Variants in WSCD2 observed in about 807,000 individuals in gnomAD.
WSCD2 encodes the protein WSC domain sialate O sulfotransferase 2.
A neutral mutation model predicts 55.7 loss-of-function variants in WSCD2; 28 were observed. That is an observed-to-expected ratio of 0.50 (90% confidence interval 0.37 to 0.69). The LOEUF (loss-of-function observed/expected upper bound fraction) is 0.69, where lower values mean the gene tolerates loss of function less well. WSCD2 is among the 30% of genes least tolerant of loss of function. The probability of loss-of-function intolerance (pLI) is 0.00; values close to 1 mark genes in which losing one functional copy is unlikely to be tolerated. For synonymous variants in WSCD2, 301 were observed against 301.9 expected (o/e 1.00, Z 0.03); for missense variants, 616 against 762.1 (o/e 0.81, Z 2.26).
chr12:108,142,746 C>T (rs919240483), intron 1 of WSCD2, among the ~76,000 whole-genome samples: 4 of 152,158 alleles, frequency 2.6e-5, no homozygotes, highest in Admixed American at 2.6e-4. Flanking sequence ...TGACATCTTA[C>T]AGGTCTCTCT....
At chr12:108,131,434 G>A (rs1041152758) in intron 1 of WSCD2, among the ~76,000 whole-genome samples, 4 of 152,194 alleles carry the variant, frequency 2.6e-5, no homozygotes, top group Admixed American at 6.5e-5. Context: ...TCAGATCTAA[G>A]TTTGACCAGT....
intron 1 of WSCD2, chr12:108,167,604 AC>A (rs1879800293): frequency 6.6e-6 from 1 of 152,192 alleles, no homozygotes; most frequent in East Asian, 1.9e-4. Context: ...CCAGGCTCAA[AC>A]AAAGCTCATG....
chr12:108,174,474 A>G (rs1479310252), intron 1 of WSCD2, among the ~76,000 whole-genome samples: 2 of 152,284 alleles, frequency 1.3e-5, no homozygotes, highest in African/African-American at 4.8e-5. Context: ...CACTTAGTAC[A>G]TGAGTCCCCA....
chr12:108,174,260 G>A (rs150459350), intron 1 of WSCD2, among the ~76,000 whole-genome samples: 2,452 of 152,230 alleles, frequency 0.016, 33 homozygotes, highest in Non-Finnish European at 0.024. Context: ...TAGGCATCTT[G>A]CCCTTAAAAA....
intron 4 of WSCD2, among the ~76,000 whole-genome samples, chr12:108,213,254 CAGACCCAATACA>C (rs1241917550): frequency 6.6e-6 from 1 of 152,158 alleles, no homozygotes; most frequent in Non-Finnish European, 1.5e-5. Context: ...TAATTTTGTG[CAGACCCAATACA>C]AGTAGGATTG....
Position 108,196,153 on chromosome 12 carries a change from C to T in WSCD2, c.321C>T (p.Tyr107=), listed in dbSNP as rs772879573. The T allele has an allele frequency of 3.4e-5, 55 of 1,613,984 alleles. No individual in the cohort carries two copies. Among genetic ancestry groups the T allele is most frequent in the Non-Finnish European group, 4.2e-5 (49 of 1,180,030 alleles). Residue 107 remains tyrosine (Y), a synonymous_variant, in exon 2 of 9, where the codon TAC becomes TAT. Coordinates refer to ENST00000547525, the MANE Select transcript of WSCD2 (RefSeq NM_014653.4). ...ATGAGAGAGCCAAGCTTGGCGACTA[C>T]GGTGGAGCCTGGAGCCGAGCCCTCA... is the stretch of plus-strand genomic sequence containing the variant. ...DGNERAKLGD[Y]GGAWSRALKG... is the part of the protein sequence containing the mutation.
rs7314191 is a variant in WSCD2 at position 108,179,767 on chromosome 12, A to G, written c.-551-15515A>G. Reference sequence around the variant, plus strand: ...AGCTCTGCCACTTATGACCTGCGTCACCTTGGGCAAGTCGCTGGACCTATC... The same window carrying G: ...AGCTCTGCCACTTATGACCTGCGTCGCCTTGGGCAAGTCGCTGGACCTATC... On this transcript the variant is annotated intron_variant, in intron 1 of 8. Transcript: ENST00000547525. Among the ~76,000 whole-genome samples the G allele has an allele frequency of 4.1e-3, 630 of 152,356 alleles. 6 individuals carry two copies. Among genetic ancestry groups the G allele is most frequent in the African/African-American group, 0.015 (614 of 41,582 alleles).
chr12:108,136,507 A>G (rs1341081517), intron 1 of WSCD2, among the ~76,000 whole-genome samples: 4 of 152,124 alleles, frequency 2.6e-5, no homozygotes, highest in Admixed American at 1.3e-4. Flanking sequence ...CTTCCTGATC[A>G]CCGTAGCTTG....
intron 1 of WSCD2, among the ~76,000 whole-genome samples, chr12:108,136,874 A>T (rs1876280545): frequency 6.6e-6 from 1 of 152,186 alleles, no homozygotes; most frequent in Non-Finnish European, 1.5e-5. Context: ...GGCCAGGTCC[A>T]TCCCCACAGG....
In WSCD2 at chr12:108,176,814, G is replaced by GT. The variant is rs11289844; in HGVS notation, c.-551-18459dup. Among the ~76,000 whole-genome samples the GT allele has an allele frequency of 3.0e-3, 456 of 151,338 alleles. 2 individuals are homozygous for GT. Among genetic ancestry groups the GT allele is most frequent in the African/African-American group, 0.011 (443 of 40,912 alleles). On this transcript the variant is annotated intron_variant, in intron 1 of 8. Coordinates refer to ENST00000547525, the MANE Select transcript of WSCD2 (RefSeq NM_014653.4). ...GGATTAGTTTTTGTTTTTTGTTTTT[G>GT]TTTTTTTTTATTTGAGCCATTCCAG...
chr12:108,220,296 A>G (rs574137744), intron 4 of WSCD2, among the ~76,000 whole-genome samples: 48 of 152,350 alleles, frequency 3.2e-4, no homozygotes, highest in Non-Finnish European at 6.0e-4. Flanking sequence ...GCGTTTACAC[A>G]ATGCCTGGCA....
chr12:108,224,903 C>A (rs763807960), intron 5 of WSCD2, 43 bp downstream of exon 5: 1 of 1,600,358 alleles, frequency 6.2e-7, no homozygotes, highest in South Asian at 1.1e-5. Flanking sequence ...GGGAGGGAAC[C>A]ATGCAGCAGA....
intron 2 of WSCD2, among the ~76,000 whole-genome samples, chr12:108,206,035 T>C (rs150544298): frequency 1.3e-5 from 2 of 152,350 alleles, no homozygotes; most frequent in East Asian, 3.9e-4. Context: ...GATGCCCAGC[T>C]GTCACCAGGT....
At position 108,240,375 on chromosome 12, in the gene WSCD2, C is replaced by G. The variant is rs368092771; in HGVS notation, c.1176C>G (p.Ser392Arg). 20 of 1,614,006 alleles carry G rather than the reference C, an allele frequency of 1.2e-5. No individual in the cohort carries two copies. In the South Asian group the frequency reaches 2.2e-4, roughly 18 times the overall value. The change falls in exon 8 of 9, where the codon AGC becomes AGG. Residue 392 changes from serine to arginine, a missense_variant. By Grantham distance (110) the Ser-to-Arg change is moderately radical (BLOSUM62 -1). Around this residue, in one of 3 missense-constraint regions of WSCD2, gnomAD observed 234 missense variants for 264.6 expected, o/e 0.88. Transcript: ENST00000547525. ...AAGGTGAGCGGGACCACTGGCGCAG[C>G]GGACGGACCATCTGCATCAAGACGC... ...GFKGERDHWR[S>R]GRTICIKTHE...
intron 8 of WSCD2, among the ~76,000 whole-genome samples, chr12:108,247,713 G>A (rs927589723): frequency 7.2e-5 from 11 of 152,124 alleles, no homozygotes; most frequent in Non-Finnish European, 1.6e-4. Flanking sequence ...GCACCTCCAT[G>A]CCCAGCTATT....
chr12:108,240,425 A>T lies in WSCD2; in HGVS notation c.1226A>T (p.Glu409Val). 1 of 1,614,156 alleles carries T rather than the reference A, an allele frequency of 6.2e-7. No individual in the cohort carries two copies. Among genetic ancestry groups the T allele is most frequent in the Non-Finnish European group, 8.5e-7 (1 of 1,180,034 alleles). ...KTHESGQKEI[E>V]AFDAAILLIR... is the part of the protein sequence containing the mutation. The stretch of plus-strand genomic sequence containing the variant: ...CACGAAAGCGGCCAGAAAGAGATCG[A>T]GGCCTTCGACGCCGCCATCCTGCTC... The change falls in exon 8 of 9, where the codon GAG becomes GTG. Residue 409 changes from glutamate to valine, a missense_variant. Around this residue, in one of 3 missense-constraint regions of WSCD2, gnomAD observed 234 missense variants for 264.6 expected, o/e 0.88. Transcript: ENST00000547525.
intron 1 of WSCD2, among the ~76,000 whole-genome samples, chr12:108,192,840 T>A (rs1883358220): frequency 6.6e-6 from 1 of 152,014 alleles, no homozygotes; most frequent in Non-Finnish European, 1.5e-5. Context: ...GACCCTCACT[T>A]CCCTGGGCTC....
intron 1 of WSCD2, among the ~76,000 whole-genome samples, chr12:108,176,307 C>T (rs1940736655): frequency 1.3e-5 from 2 of 151,946 alleles, no homozygotes; most frequent in South Asian, 2.1e-4. Flanking sequence ...CTCTTTGCCC[C>T]TCTGTGGTCA....
intron 1 of WSCD2, among the ~76,000 whole-genome samples, chr12:108,193,025 T>C (rs753643671): frequency 6.8e-4 from 104 of 152,252 alleles, no homozygotes; most frequent in Non-Finnish European, 9.6e-4. Context: ...AATATAGGCT[T>C]TGAAATCAGG....
Sources: gnomAD v4.1 joint callset for allele counts (sites outside exome capture counted in the v4.1 genomes callset) on GRCh38, gnomAD v4.1.1 for gene constraint, gnomAD v4.1.1 regional missense constraint, MANE v1.5 for transcripts, NCBI Gene and HGNC (gene_info 2026-07-23, HGNC 2026-07-21) for gene names.